Variants in FRAS1 observed in about 807,000 individuals in gnomAD.
FRAS1 encodes the protein extracellular matrix organizing protein FRAS1.
A neutral mutation model predicts 435.2 loss-of-function variants in FRAS1; 290 were observed. The observed-to-expected ratio is 0.67, with a 90% CI of 0.61 to 0.73. The LOEUF is 0.73. Ranked by LOEUF, FRAS1 falls within the 30% of genes least tolerant of loss-of-function variation. FRAS1 has a pLI of 0.00. For synonymous variants in FRAS1, 1,800 were observed against 1,851.0 expected (o/e 0.97, Z 0.71); for missense variants, 4,860 against 5,001.5 (o/e 0.97, Z 0.85).
At chr4:78,500,457 A>G (rs764332458) in intron 61 of FRAS1, among the ~76,000 whole-genome samples, 5 of 152,196 alleles carry the variant, frequency 3.3e-5, no homozygotes. Flanking sequence ...ATCTTCCACT[A>G]TCCCCCTTTC....
chr4:78,295,292 G>A (rs73827955), intron 14 of FRAS1, among the ~76,000 whole-genome samples: 1 of 152,092 alleles, frequency 6.6e-6, no homozygotes, highest in Non-Finnish European at 1.5e-5. Context: ...TATGTACAGT[G>A]TTTAAGCTTT....
intron 6 of FRAS1, among the ~76,000 whole-genome samples, chr4:78,261,918 T>C (rs935276628): frequency 6.6e-5 from 10 of 152,192 alleles, no homozygotes; most frequent in African/African-American, 9.6e-5. Flanking sequence ...ATTTTTCCTT[T>C]CCTACCTATC....
intron 10 of FRAS1, among the ~76,000 whole-genome samples, chr4:78,279,715 G>A (rs1350944042): frequency 6.6e-6 from 1 of 152,042 alleles, no homozygotes; most frequent in Non-Finnish European, 1.5e-5. Context: ...CCCTATTTAT[G>A]TAGCCCATAT....
chr4:78,308,409 C>G (rs1728880282), intron 15 of FRAS1, among the ~76,000 whole-genome samples, 200 bp downstream of exon 15: 1 of 152,216 alleles, frequency 6.6e-6, no homozygotes, highest in South Asian at 2.1e-4. Flanking sequence ...CACCAGTCTG[C>G]TAGGGTTGGG....
intron 67 of FRAS1, among the ~76,000 whole-genome samples, chr4:78,520,125 G>C (rs1308803533): frequency 1.3e-5 from 2 of 151,406 alleles, no homozygotes; most frequent in African/African-American, 4.9e-5. Context: ...CCCCCACTCA[G>C]TTTCCACACC....
intron 2 of FRAS1, among the ~76,000 whole-genome samples, chr4:78,149,638 T>C (rs1001096982): frequency 6.6e-6 from 1 of 152,214 alleles, no homozygotes; most frequent in Non-Finnish European, 1.5e-5. Flanking sequence ...CATCACTATA[T>C]ACAATTAACT....
At chr4:78,318,730 A>T in intron 17 of FRAS1, 80 bp from the exon 18 acceptor site, 1 of 1,374,934 alleles carries the variant, frequency 7.3e-7, no homozygotes, top group Non-Finnish European at 9.8e-7. Context: ...GAACTTTTCT[A>T]AGTGGGTTTG....
At chr4:78,266,718 T>C in intron 7 of FRAS1, 116 bp from the exon 8 acceptor site, 1 of 738,198 alleles carries the variant, frequency 1.4e-6, no homozygotes. Flanking sequence ...CAAGAGTACA[T>C]TCAATGTGGC....
chr4:78,104,772 G>A (rs1742305067), intron 2 of FRAS1, among the ~76,000 whole-genome samples: 1 of 152,174 alleles, frequency 6.6e-6, no homozygotes, highest in Non-Finnish European at 1.5e-5. Flanking sequence ...CTGAATGGGG[G>A]AGAAGGCAGA....
rs1232254693 is a variant in FRAS1, at chr4:78,539,359, C to T, written c.11364C>T (p.Ala3788=). ...FHDVPFEAHF[A]SELPDFHVVS... Reference sequence around the variant, plus strand: ...ATGTGCCTTTTGAGGCTCACTTTGCCTCTGAGTTGCCTGATTTCCATGTGG... The same window carrying T: ...ATGTGCCTTTTGAGGCTCACTTTGCTTCTGAGTTGCCTGATTTCCATGTGG... The change falls in exon 73 of 74, where the codon GCC becomes GCT. Residue 3788 remains alanine, a synonymous_variant. Transcript: ENST00000512123. 1.2e-6 allele frequency: 2 copies of T among 1,612,938 alleles called. No homozygotes were observed. The highest frequency in any genetic ancestry group is 1.1e-5 in the South Asian group (1 of 90,878).
chr4:78,355,083 T>G (rs1172624009), intron 20 of FRAS1, among the ~76,000 whole-genome samples: 2 of 152,268 alleles, frequency 1.3e-5, no homozygotes, highest in East Asian at 3.9e-4. Context: ...TTTATCTGTT[T>G]AAATTTCTAG....
chr4:78,180,573 A>G (rs59777008), intron 2 of FRAS1, among the ~76,000 whole-genome samples: 53,217 of 152,022 alleles, frequency 0.35, 9,473 homozygotes, highest in African/African-American at 0.4. Context: ...TTGGAAATGC[A>G]TATTTGCAAG....
At chr4:78,367,755 G>T (rs1227563472) in intron 22 of FRAS1, among the ~76,000 whole-genome samples, 1 of 151,894 alleles carries the variant, frequency 6.6e-6, no homozygotes, top group East Asian at 1.9e-4. Context: ...TATTTCACTT[G>T]GTTACTGTAG....
chr4:78,220,293 A>G (rs1723997247), intron 2 of FRAS1, among the ~76,000 whole-genome samples: 1 of 152,228 alleles, frequency 6.6e-6, no homozygotes, highest in Non-Finnish European at 1.5e-5. Context: ...TGGATTTTAC[A>G]TTTTTAAATG....
chr4:78,303,075 T>G (rs543887901), intron 14 of FRAS1, among the ~76,000 whole-genome samples: 37 of 152,334 alleles, frequency 2.4e-4, no homozygotes, highest in African/African-American at 8.4e-4. Flanking sequence ...TTTCTACATA[T>G]GGCTAGCCAG....
At chr4:78,447,348 C>G (rs927968247) in intron 43 of FRAS1, among the ~76,000 whole-genome samples, 1 of 147,200 alleles carries the variant, frequency 6.8e-6, no homozygotes, top group South Asian at 2.2e-4. Context: ...ACTTTTGGGA[C>G]CTTCTACCTA....
chr4:78,331,126 G>A (rs1162079346), intron 18 of FRAS1, among the ~76,000 whole-genome samples: 1 of 152,072 alleles, frequency 6.6e-6, no homozygotes, highest in African/African-American at 2.4e-5. Flanking sequence ...CCCGATAATA[G>A]GGCTGTTTTA....
At chr4:78,165,832 C>T (rs531159460) in intron 2 of FRAS1, among the ~76,000 whole-genome samples, 12 of 152,162 alleles carry the variant, frequency 7.9e-5, no homozygotes, top group Non-Finnish European at 1.8e-4. Flanking sequence ...TGGGCTTATT[C>T]TCATGGCCAA....
intron 2 of FRAS1, among the ~76,000 whole-genome samples, chr4:78,129,658 G>A (rs1044793994): frequency 2.0e-5 from 3 of 152,172 alleles, no homozygotes; most frequent in Non-Finnish European, 4.4e-5. Flanking sequence ...GACTTCCAGA[G>A]TCTAGAGAAG....
Sources: allele counts gnomAD v4.1 joint callset (sites outside exome capture counted in the v4.1 genomes callset), GRCh38; gene constraint gnomAD v4.1.1; transcripts MANE v1.5; gene names NCBI Gene and HGNC (gene_info 2026-07-23, HGNC 2026-07-21).